The following FTO variants were observed in gnomAD, a reference collection of about 807,000 sequenced individuals.
FTO encodes FTO alpha-ketoglutarate dependent dioxygenase, also known as alpha-ketoglutarate-dependent dioxygenase FTO.
Under a neutral mutation model 63.9 loss-of-function variants are expected in FTO, and 47 were observed. The ratio of observed to expected loss-of-function variants is 0.74; its 90% CI spans 0.58 to 0.94. The LOEUF is 0.94. FTO is among the 40% of genes least tolerant of loss of function. The pLI is 0.00. For synonymous variants in FTO, 207 were observed against 224.4 expected, an observed-to-expected ratio of 0.92 and a Z score of 0.69; for missense variants, 562 against 618.1, an observed-to-expected ratio of 0.91 and a Z score of 0.96.
chr16:53,706,471 T>C (rs1365060583), intron 1 of FTO, among the ~76,000 whole-genome samples: 1 of 152,186 alleles, frequency 6.6e-6, no homozygotes, highest in Admixed American at 6.5e-5. Context: ...CTGATATGTT[T>C]TTTGTCTCTG....
At chr16:54,077,835 T>A (rs1392419069) in intron 8 of FTO, among the ~76,000 whole-genome samples, 1 of 151,888 alleles carries the variant, frequency 6.6e-6, no homozygotes, top group Non-Finnish European at 1.5e-5. Flanking sequence ...TCCAGATTAG[T>A]GGATTTGGGA....
At chr16:53,880,453 C>T (rs528593882) in intron 6 of FTO, among the ~76,000 whole-genome samples, 10 of 152,300 alleles carry the variant, frequency 6.6e-5, no homozygotes, top group Admixed American at 1.3e-4. Flanking sequence ...CCAGAGTCTC[C>T]GTATTTTTGT....
intron 7 of FTO, among the ~76,000 whole-genome samples, chr16:53,896,993 G>A (rs1439561447): frequency 6.6e-6 from 1 of 152,174 alleles, no homozygotes; most frequent in East Asian, 1.9e-4. Context: ...AACACATTAA[G>A]TTGGCCCTTC....
intron 5 of FTO, among the ~76,000 whole-genome samples, chr16:53,877,332 A>G (rs1411194152): frequency 6.6e-6 from 1 of 152,260 alleles, no homozygotes; most frequent in Non-Finnish European, 1.5e-5. Flanking sequence ...AAAACGTGGC[A>G]TATCCATACA....
rs1185803614 is a variant in FTO, at chr16:53,797,172, A to G, written c.46-12968A>G. ...GATTTCCCATATACTCCCTACCTCC[A>G]CACATGCTCTGTTACACACACTCCA... On this transcript the variant is annotated intron_variant, in intron 1 of 8. Coordinates refer to ENST00000471389, the MANE Select transcript of FTO (RefSeq NM_001080432.3). 2.6e-5 allele frequency among the ~76,000 whole-genome samples: 4 copies of G among 152,150 alleles called. No homozygotes were observed. In the East Asian group the frequency reaches 5.8e-4, roughly 22 times the overall value.
chr16:53,911,373 T>C, intron 7 of FTO: 1 of 702,884 alleles, frequency 1.4e-6, no homozygotes, highest in Non-Finnish European at 2.6e-6. Context: ...CAGGAGTAGG[T>C]GGTAGAATGG....
In FTO at chr16:53,740,116, G is replaced by A. The variant is rs760640353; in HGVS notation, c.45+35887G>A. ...ACATGAATATTTAGCAGTGCCATCT[G>A]TAACCCTAGGATCATATGGTAAATG... On this transcript the variant is annotated intron_variant, in intron 1 of 8. Transcript: ENST00000471389. Among the ~76,000 whole-genome samples, 93 of 152,298 alleles carry A rather than the reference G, an allele frequency of 6.1e-4. 1 individual carries two copies. Among genetic ancestry groups the A allele is most frequent in the Non-Finnish European group, 7.6e-4 (52 of 68,016 alleles).
At position 54,095,801 on chromosome 16, in the gene FTO, G is replaced by A. The variant is rs1057290043; in HGVS notation, c.1365-15961G>A. On this transcript the variant is annotated intron_variant, in intron 8 of 8. Transcript: ENST00000471389. ...GTGTCCTGGCCCCAAAGGTGACTTC[G>A]CAGATGGCAGCCATGTGCTAAGGAT... is the stretch of plus-strand genomic sequence containing the variant. 7.2e-5 allele frequency among the ~76,000 whole-genome samples: 11 copies of A among 152,178 alleles called. 2 individuals are homozygous for A. Among genetic ancestry groups the A allele is most frequent in the Admixed American group, 3.3e-4 (5 of 15,284 alleles).
intron 2 of FTO, among the ~76,000 whole-genome samples, chr16:53,813,745 A>G (rs1200531726): frequency 1.3e-5 from 2 of 152,266 alleles, no homozygotes; most frequent in East Asian, 1.9e-4. Context: ...TGATCCTTAC[A>G]GTGTGCTAGG....
intron 8 of FTO, among the ~76,000 whole-genome samples, chr16:54,010,159 A>G (rs1447772661): frequency 6.6e-6 from 1 of 152,096 alleles, no homozygotes; most frequent in Non-Finnish European, 1.5e-5. Context: ...CACGACTGTA[A>G]TCCCAGCACT....
Position 53,745,882 on chromosome 16 carries a change from A to C in FTO, c.45+41653A>C, listed in dbSNP as rs146092001. 1.9e-3 allele frequency among the ~76,000 whole-genome samples: 292 copies of C among 152,254 alleles called. 2 individuals carry two copies. Among genetic ancestry groups the C allele is most frequent in the African/African-American group, 6.7e-3 (278 of 41,546 alleles). ...TCATTTCTGTTGCTCTGAAGTCAGG[A>C]ATGTGGTATGACCTGGCTTTACCAG... On this transcript the variant is annotated intron_variant, in intron 1 of 8. Coordinates refer to ENST00000471389, the MANE Select transcript of FTO (RefSeq NM_001080432.3).
intron 8 of FTO, among the ~76,000 whole-genome samples, chr16:53,973,810 A>G (rs56299822): frequency 0.1 from 15,767 of 152,222 alleles, 928 homozygotes; most frequent in Admixed American, 0.16. Context: ...ATATGGGCAT[A>G]TACATTTTTC....
chr16:53,882,386 AAAC>A (rs1567394796), intron 6 of FTO, among the ~76,000 whole-genome samples: 1 of 151,634 alleles, frequency 6.6e-6, no homozygotes. Flanking sequence ...AAAAAAAAAA[AAAC>A]AGAGCAAGAT....
chr16:53,776,905 C>G (rs1228920953), intron 1 of FTO, among the ~76,000 whole-genome samples: 2 of 152,078 alleles, frequency 1.3e-5, no homozygotes, highest in Admixed American at 1.3e-4. Context: ...TATTCCAAAA[C>G]TTGTCAAGTG....
At chr16:54,021,762 ACAGGTG>A (rs1198456855) in intron 8 of FTO, among the ~76,000 whole-genome samples, 2 of 152,126 alleles carry the variant, frequency 1.3e-5, no homozygotes, top group African/African-American at 2.4e-5. Context: ...TGCCAAGATT[ACAGGTG>A]TGAGCCACCG....
intron 7 of FTO, among the ~76,000 whole-genome samples, chr16:53,897,527 A>G (rs1291487359): frequency 2.0e-5 from 3 of 152,176 alleles, no homozygotes; most frequent in Non-Finnish European, 4.4e-5. Context: ...TGAAATGACA[A>G]ATTATGAAAT....
intron 1 of FTO, among the ~76,000 whole-genome samples, chr16:53,803,055 T>A (rs181277176): frequency 5.9e-5 from 9 of 152,352 alleles, no homozygotes; most frequent in Admixed American, 4.6e-4. Flanking sequence ...TTCTCTTCAT[T>A]ATCAGTCATA....
At chr16:53,923,216 T>G (rs2151958371) in intron 7 of FTO, 1 of 152,212 alleles carries the variant, frequency 6.6e-6, no homozygotes, top group East Asian at 1.9e-4. Flanking sequence ...GCCGTAGTAG[T>G]TAATGTACTG....
At chr16:53,902,638 C>T (rs571339085) in intron 7 of FTO, among the ~76,000 whole-genome samples, 74 of 152,282 alleles carry the variant, frequency 4.9e-4, no homozygotes, top group Non-Finnish European at 8.1e-4. Context: ...CCTTCTCTGG[C>T]AGCATCCTCA....
Sources: gnomAD v4.1 joint callset for allele counts (sites outside exome capture counted in the v4.1 genomes callset) on GRCh38, gnomAD v4.1.1 for gene constraint, MANE v1.5 for transcripts, NCBI Gene and HGNC (gene_info 2026-07-23, HGNC 2026-07-21) for gene names.